TRAPPC9: variants seen among roughly 807,000 people sequenced by gnomAD.
TRAPPC9 encodes IKK2 binding protein.
TRAPPC9 carries 83 observed loss-of-function variants against 124.0 expected under a neutral mutation model. The ratio of observed to expected loss-of-function variants is 0.67; its 90% CI spans 0.56 to 0.80. The LOEUF is 0.80. Ranked by LOEUF, TRAPPC9 falls within the 30% of genes least tolerant of loss-of-function variation. The pLI is 0.00. For synonymous variants in TRAPPC9, 638 were observed against 617.5 expected, an observed-to-expected ratio of 1.03 and a Z score of -0.49; for missense variants, 1,302 against 1,508.3, an observed-to-expected ratio of 0.86 and a Z score of 2.27.
Position 139,730,746 on chromosome 8 carries a change from C to T in TRAPPC9, c.*315G>A. On this transcript the variant is annotated 3_prime_UTR_variant, in exon 23 of 23. Coordinates refer to ENST00000438773, the MANE Select transcript of TRAPPC9 (RefSeq NM_001160372.4). ...GCACAGCACGGCTGGGGCCCCAGGT[C>T]ACAGAAATGGGTGCAGGGATCCTGG... 1 of 409,642 alleles carries T rather than the reference C, an allele frequency of 2.4e-6. No homozygotes were observed. The highest frequency in any genetic ancestry group is 3.9e-5 in the Admixed American group (1 of 25,904). The allele number at this position is 409,642 out of a possible 1,614,324, so 25.4% of individuals were successfully genotyped here.
chr8:140,186,501 G>T (rs977947290), intron 17 of TRAPPC9, among the ~76,000 whole-genome samples: 1 of 152,086 alleles, frequency 6.6e-6, no homozygotes, highest in Non-Finnish European at 1.5e-5. Flanking sequence ...CAGTAGAATT[G>T]CTTGAACCCG....
At chr8:140,244,862 A>T (rs2063943059) in intron 16 of TRAPPC9, among the ~76,000 whole-genome samples, 1 of 127,282 alleles carries the variant, frequency 7.9e-6, no homozygotes, top group African/African-American at 3.1e-5. Flanking sequence ...GCTGGAGTGC[A>T]GTGGCGCAAT....
intron 17 of TRAPPC9, among the ~76,000 whole-genome samples, chr8:140,133,387 G>A (rs11985381): frequency 0.44 from 66,164 of 151,950 alleles, 14,599 homozygotes; most frequent in African/African-American, 0.5. Context: ...AATCCAACCA[G>A]CAAAACAGAA....
chr8:139,864,530 T>C (rs535013469), intron 21 of TRAPPC9, among the ~76,000 whole-genome samples: 4 of 152,356 alleles, frequency 2.6e-5, no homozygotes, highest in African/African-American at 7.2e-5. Context: ...GTCCTGTGGA[T>C]GGCACCAGGC....
At chr8:140,023,338 C>G (rs959809886) in intron 18 of TRAPPC9, among the ~76,000 whole-genome samples, 4 of 152,218 alleles carry the variant, frequency 2.6e-5, no homozygotes, top group Non-Finnish European at 5.9e-5. Flanking sequence ...AAAAGAATAC[C>G]CTGAGTATCT....
At chr8:140,413,955 G>C (rs1030520357) in intron 5 of TRAPPC9, among the ~76,000 whole-genome samples, 5 of 151,912 alleles carry the variant, frequency 3.3e-5, no homozygotes, top group Non-Finnish European at 4.4e-5. Flanking sequence ...ATTGTGAATA[G>C]TGCCGCAATA....
chr8:140,106,200 C>A (rs571012852), intron 17 of TRAPPC9, among the ~76,000 whole-genome samples: 1 of 152,274 alleles, frequency 6.6e-6, no homozygotes, highest in South Asian at 2.1e-4. Context: ...AGCACCTGAA[C>A]AACAGCCATC....
intron 17 of TRAPPC9, among the ~76,000 whole-genome samples, chr8:140,192,486 G>A (rs746634172): frequency 7.2e-5 from 11 of 152,308 alleles, no homozygotes; most frequent in Admixed American, 3.3e-4. Context: ...TGCCTGGGGC[G>A]TGTTTTCTAG....
At chr8:140,441,966 C>T (rs1389202545) in intron 2 of TRAPPC9, among the ~76,000 whole-genome samples, 2 of 151,992 alleles carry the variant, frequency 1.3e-5, no homozygotes, top group South Asian at 4.2e-4. Context: ...CCCTGGAATT[C>T]GAGACTGCAG....
intron 21 of TRAPPC9, among the ~76,000 whole-genome samples, chr8:139,807,303 C>A (rs1009666047): frequency 6.6e-6 from 1 of 152,180 alleles, no homozygotes; most frequent in Non-Finnish European, 1.5e-5. Context: ...GAGACCCAAC[C>A]CCAGAATCAC....
chr8:140,268,114 C>A (rs148899093), intron 15 of TRAPPC9, among the ~76,000 whole-genome samples: 1,416 of 129,200 alleles, frequency 0.011, 93 homozygotes, highest in Admixed American at 0.1. Context: ...AGAAGCTAAG[C>A]TCAATGGGCT....
At chr8:139,953,812 T>C (rs779881701) in intron 19 of TRAPPC9, among the ~76,000 whole-genome samples, 4 of 152,272 alleles carry the variant, frequency 2.6e-5, no homozygotes, top group Non-Finnish European at 5.9e-5. Context: ...CTTCATATGA[T>C]AAAAATATAT....
At chr8:140,080,507 C>T (rs1307926088) in intron 17 of TRAPPC9, among the ~76,000 whole-genome samples, 2 of 152,216 alleles carry the variant, frequency 1.3e-5, no homozygotes, top group African/African-American at 4.8e-5. Flanking sequence ...CAAGAAGAAA[C>T]ACCAGAGGGC....
chr8:140,156,332 C>T (rs1253530418), intron 17 of TRAPPC9, among the ~76,000 whole-genome samples: 1 of 152,214 alleles, frequency 6.6e-6, no homozygotes, highest in Non-Finnish European at 1.5e-5. Context: ...AATCATTTAA[C>T]ATCTTAAAGC....
At chr8:139,818,991 G>T (rs1293117314) in intron 21 of TRAPPC9, among the ~76,000 whole-genome samples, 1 of 152,232 alleles carries the variant, frequency 6.6e-6, no homozygotes, top group Non-Finnish European at 1.5e-5. Flanking sequence ...CCACAGACTG[G>T]TACCGGTCTA....
chr8:139,875,800 G>A (rs147838627), intron 21 of TRAPPC9, among the ~76,000 whole-genome samples: 26 of 152,364 alleles, frequency 1.7e-4, no homozygotes, highest in African/African-American at 5.0e-4. Flanking sequence ...CCCAGTGGGC[G>A]GAGGCTCCTC....
At chr8:140,001,464 G>A (rs895840779) in intron 18 of TRAPPC9, among the ~76,000 whole-genome samples, 1 of 151,860 alleles carries the variant, frequency 6.6e-6, no homozygotes, top group African/African-American at 2.4e-5. Context: ...ATAATAAAGG[G>A]CAGAAATGAA....
chr8:140,456,298 G>C (rs1320545432), intron 1 of TRAPPC9, among the ~76,000 whole-genome samples: 1 of 152,132 alleles, frequency 6.6e-6, no homozygotes, highest in African/African-American at 2.4e-5. Flanking sequence ...TGTAATCCCA[G>C]CTACTCAGGA....
intron 20 of TRAPPC9, among the ~76,000 whole-genome samples, chr8:139,887,217 C>CTTTTTTTTTTT (rs1221275448): frequency 1.5e-5 from 2 of 130,600 alleles, no homozygotes; most frequent in African/African-American, 2.9e-5. Flanking sequence ...CCTATTTTAG[C>CTTTTTTTTTTT]TTTTTTTTTT....
Sources: gnomAD v4.1 joint callset for allele counts (sites outside exome capture counted in the v4.1 genomes callset) on GRCh38, gnomAD v4.1.1 for gene constraint, MANE v1.5 for transcripts, NCBI Gene and HGNC (gene_info 2026-07-23, HGNC 2026-07-21) for gene names.